Variants in DSE observed in about 807,000 individuals in gnomAD.
DSE encodes the protein dermatan-sulfate epimerase.
In DSE, 36 loss-of-function variants were observed where a neutral mutation model predicts 84.4. The observed-to-expected ratio is 0.43, with a 90% CI of 0.33 to 0.56. The LOEUF (loss-of-function observed/expected upper bound fraction) is 0.56. Among genes scored for constraint, DSE ranks in the 20% least tolerant of loss-of-function variants. The pLI, the probability that DSE is intolerant of heterozygous loss-of-function variation, is 0.06. For missense variants in DSE, 862 were observed against 1,169.6 expected (o/e 0.74, Z 3.84); for synonymous variants, 410 against 430.1 (o/e 0.95, Z 0.58).
At position 116,441,730 on chromosome 6, in the gene DSE, A is replaced by C. The variant is rs948610411; in HGVS notation, c.*4385A>C. The C allele has an allele frequency of 6.6e-6, 1 of 152,192 alleles. No homozygotes were observed. The highest frequency in any genetic ancestry group is 1.5e-5 in the Non-Finnish European group (1 of 68,038). The allele number at this position is 152,192 out of a possible 1,614,324, so 9.4% of individuals were successfully genotyped here. The stretch of plus-strand genomic sequence containing the variant: ...GCTGTTAATTTAATGGGGTTTTAGG[A>C]AGGAACTGAAGGAAATTTATATATT... On this transcript the variant is annotated 3_prime_UTR_variant, in exon 6 of 6. Coordinates refer to ENST00000644252, the MANE Select transcript of DSE (RefSeq NM_013352.4).
chr6:116,433,365 T>A lies in DSE; in HGVS notation c.933T>A (p.Ile311=), dbSNP rs1215165595. The change falls in exon 5 of 6, where the codon ATT becomes ATA. Residue 311 remains isoleucine, a synonymous_variant. Coordinates refer to ENST00000644252, the MANE Select transcript of DSE (RefSeq NM_013352.4). ...TAGGGTTTCAAAGGACTGTGGCTAT[T>A]GCGGACTCAAATTACAACTGGTTTT... ...ILPGFQRTVA[I]ADSNYNWFYG... The A allele has an allele frequency of 1.3e-6, 2 of 1,551,304 alleles. No homozygotes were observed. The highest frequency in any genetic ancestry group is 4.9e-5 in the East Asian group (2 of 40,938).
intron 2 of DSE, among the ~76,000 whole-genome samples, chr6:116,411,606 G>GA (rs1782360535): frequency 1.3e-5 from 2 of 152,110 alleles, no homozygotes; most frequent in African/African-American, 4.8e-5. Context: ...AGTATTACAA[G>GA]AAAAAAATTG....
intron 1 of DSE, among the ~76,000 whole-genome samples, chr6:116,379,178 T>C (rs897619962): frequency 7.9e-5 from 12 of 152,254 alleles, no homozygotes; most frequent in African/African-American, 2.6e-4. Context: ...CAAGATCATT[T>C]TGATGCAGCA....
At position 116,322,800 on chromosome 6, in the gene DSE, TTC is replaced by T. The variant is rs573172372; in HGVS notation, c.-54+63835_-54+63836del. Among the ~76,000 whole-genome samples the T allele has an allele frequency of 9.3e-4, 142 of 152,286 alleles. 1 individual carries two copies. The highest frequency in any genetic ancestry group is 3.3e-3 in the African/African-American group (138 of 41,552). ...GTGTAAATGACTCTCAACCAAGATT[TTC>T]TGTTTAAATATGGAGAGAAGAGAGA... is the stretch of plus-strand genomic sequence containing the variant. On this transcript the variant is annotated intron_variant, in intron 2 of 3. Coordinates refer to the DSE transcript ENST00000430252.
intron 2 of DSE, chr6:116,400,439 T>A (rs975925799): frequency 1.8e-4 from 28 of 152,194 alleles, no homozygotes; most frequent in East Asian, 3.8e-4. Context: ...GAAATTTTTT[T>A]AAAAAATTAC....
intron 2 of DSE, among the ~76,000 whole-genome samples, chr6:116,273,941 T>C (rs1357605421): frequency 6.6e-5 from 10 of 151,044 alleles, no homozygotes; most frequent in African/African-American, 2.4e-4. Flanking sequence ...GCGATTCTCC[T>C]GCCTCAGCCT....
upstream of DSE, among the ~76,000 whole-genome samples, chr6:116,368,367 A>T (rs1779285276): frequency 6.6e-6 from 1 of 152,174 alleles, no homozygotes; most frequent in African/African-American, 2.4e-5. Context: ...AACTTAAATG[A>T]TGGCATGGCA....
intron 2 of DSE, among the ~76,000 whole-genome samples, chr6:116,296,350 T>C (rs927263445): frequency 7.2e-5 from 11 of 152,212 alleles, no homozygotes; most frequent in Non-Finnish European, 1.6e-4. Flanking sequence ...GTTGGTTAAA[T>C]CTGTAGATGT....
chr6:116,272,821 G>C (rs538268889), intron 2 of DSE, among the ~76,000 whole-genome samples: 1 of 152,304 alleles, frequency 6.6e-6, no homozygotes, highest in African/African-American at 2.4e-5. Context: ...TAAATTAAAT[G>C]AGAAATTAAA....
intron 2 of DSE, among the ~76,000 whole-genome samples, chr6:116,308,101 C>T (rs1775453054): frequency 2.0e-5 from 3 of 152,164 alleles, no homozygotes; most frequent in Admixed American, 2.0e-4. Flanking sequence ...TTTTGAATGT[C>T]CTGAACCACA....
chr6:116,267,084 A>G (rs972005211), intron 2 of DSE, among the ~76,000 whole-genome samples: 2 of 152,252 alleles, frequency 1.3e-5, no homozygotes, highest in African/African-American at 4.8e-5. Context: ...CTAATCATAT[A>G]AAAGTATAGC....
intron 2 of DSE, among the ~76,000 whole-genome samples, chr6:116,289,748 A>G (rs1053647925): frequency 1.3e-5 from 2 of 152,082 alleles, no homozygotes; most frequent in East Asian, 1.9e-4. Flanking sequence ...AGTTCATATT[A>G]TGGTATCCAG....
intron 2 of DSE, among the ~76,000 whole-genome samples, chr6:116,423,578 ATGTC>A (rs1783235584): frequency 6.6e-6 from 1 of 152,204 alleles, no homozygotes; most frequent in Non-Finnish European, 1.5e-5. Context: ...TCATAAATTA[ATGTC>A]TGTCTGTTTT....
At chr6:116,326,458 G>C (rs1776626050) in intron 2 of DSE, among the ~76,000 whole-genome samples, 1 of 152,118 alleles carries the variant, frequency 6.6e-6, no homozygotes, top group African/African-American at 2.4e-5. Context: ...CCTCCTTAGG[G>C]TATCTTGCTG....
chr6:116,356,537 T>C (rs1008981423), intron 2 of DSE, among the ~76,000 whole-genome samples: 1 of 152,232 alleles, frequency 6.6e-6, no homozygotes, highest in Non-Finnish European at 1.5e-5. Context: ...ACATTATATT[T>C]CTACTGGACA....
chr6:116,385,930 C>G (rs1162568602), intron 1 of DSE, among the ~76,000 whole-genome samples: 1 of 151,940 alleles, frequency 6.6e-6, no homozygotes, highest in Non-Finnish European at 1.5e-5. Context: ...AATAAAAGCA[C>G]CACTCCATAT....
chr6:116,315,802 C>T (rs1287277814), intron 2 of DSE, among the ~76,000 whole-genome samples: 1 of 152,134 alleles, frequency 6.6e-6, no homozygotes, highest in Non-Finnish European at 1.5e-5. Flanking sequence ...GAGTTCGAGA[C>T]CAGCCTGACC....
chr6:116,293,897 A>G (rs1322864438), intron 2 of DSE, among the ~76,000 whole-genome samples: 2 of 152,108 alleles, frequency 1.3e-5, no homozygotes, highest in African/African-American at 4.8e-5. Flanking sequence ...AAATAAAAAG[A>G]GCTAGAAGTG....
intron 3 of DSE, among the ~76,000 whole-genome samples, chr6:116,429,395 T>G (rs1236742349): frequency 6.6e-6 from 1 of 152,154 alleles, no homozygotes; most frequent in East Asian, 1.9e-4. Context: ...GTCAACATGT[T>G]TGTGGAAGTA....
Sources: allele counts gnomAD v4.1 joint callset (sites outside exome capture counted in the v4.1 genomes callset), GRCh38; gene constraint gnomAD v4.1.1; transcripts MANE v1.5; gene names NCBI Gene and HGNC (gene_info 2026-07-23, HGNC 2026-07-21).